Variants in TEX26 observed in about 807,000 individuals in gnomAD.
TEX26 encodes the protein testis-expressed protein 26.
A neutral mutation model predicts 35.3 loss-of-function variants in TEX26; 34 were observed. The ratio of observed to expected loss-of-function variants is 0.96; its 90% confidence interval spans 0.73 to 1.28. TEX26 has a LOEUF of 1.28. TEX26 is among the 50% of genes most tolerant of loss of function. TEX26 has a pLI of 0.00. For synonymous variants in TEX26, 136 were observed against 111.8 expected (o/e 1.22, Z -1.36); for missense variants, 371 against 330.1 (o/e 1.12, Z -0.96).
At chr13:30,940,479 G>A (rs982361510) in intron 2 of TEX26, among the ~76,000 whole-genome samples, 2 of 151,262 alleles carry the variant, frequency 1.3e-5, no homozygotes, top group African/African-American at 2.4e-5. Context: ...GACTACAGGC[G>A]CCCGCCACCA....
At chr13:30,946,294 G>T (rs1187659406) in intron 2 of TEX26, among the ~76,000 whole-genome samples, 1 of 151,756 alleles carries the variant, frequency 6.6e-6, no homozygotes, top group African/African-American at 2.4e-5. Context: ...ATTTCTAGAA[G>T]TTCTGATTTT....
chr13:30,945,471 G>T (rs1412205), intron 2 of TEX26, among the ~76,000 whole-genome samples: 2,074 of 151,686 alleles, frequency 0.014, 48 homozygotes, highest in African/African-American at 0.047. Flanking sequence ...GAGATGTGAG[G>T]TACTGTTCTA....
intron 1 of TEX26, among the ~76,000 whole-genome samples, chr13:30,935,000 T>G (rs1322853518): frequency 6.6e-6 from 1 of 152,210 alleles, no homozygotes; most frequent in African/African-American, 2.4e-5. Flanking sequence ...CTGGTGCAGC[T>G]GCAGCTGCCC....
At chr13:30,940,188 G>C (rs1953425797) in intron 2 of TEX26, among the ~76,000 whole-genome samples, 1 of 152,020 alleles carries the variant, frequency 6.6e-6, no homozygotes, top group Admixed American at 6.6e-5. Context: ...ACCAAGACTA[G>C]TCTTGGAAGA....
chr13:30,950,227 G>T (rs982860762), intron 2 of TEX26, among the ~76,000 whole-genome samples: 1 of 152,192 alleles, frequency 6.6e-6, no homozygotes, highest in Non-Finnish European at 1.5e-5. Flanking sequence ...CCAATATGGT[G>T]AAACCCTGTC....
chr13:30,967,121 C>A (rs560859288), intron 5 of TEX26, among the ~76,000 whole-genome samples: 9 of 152,252 alleles, frequency 5.9e-5, no homozygotes, highest in African/African-American at 1.7e-4. Flanking sequence ...CATGTGCATC[C>A]CCTGAAAGTT....
intron 1 of TEX26, among the ~76,000 whole-genome samples, chr13:30,934,715 T>C (rs1953204140): frequency 6.6e-6 from 1 of 152,110 alleles, no homozygotes; most frequent in Admixed American, 6.5e-5. Context: ...AGCTGCCCCT[T>C]CTGAGTTGGG....
In TEX26 at chr13:30,966,903, C is replaced by T. The variant is rs78805549; in HGVS notation, c.646+505C>T. 3.2e-4 allele frequency among the ~76,000 whole-genome samples: 49 copies of T among 152,292 alleles called. No homozygotes were observed. In the East Asian group the frequency reaches 9.3e-3, roughly 29 times the overall value. The stretch of plus-strand genomic sequence containing the variant: ...TGTCGCTGCAGCTCCCAACCTGTAA[C>T]CCAGGGAGCCAGTACATTGCAGAAG... On this transcript the variant is annotated intron_variant, in intron 5 of 6. Transcript: ENST00000380473.
intron 1 of TEX26, among the ~76,000 whole-genome samples, chr13:30,937,593 T>G (rs993394364): frequency 6.6e-6 from 1 of 152,226 alleles, no homozygotes; most frequent in Admixed American, 6.5e-5. Context: ...GAACATTGAA[T>G]TCTGCTATTG....
chr13:30,963,817 C>T lies in TEX26; in HGVS notation c.470-2405C>T, dbSNP rs535209605. 3.0e-4 allele frequency among the ~76,000 whole-genome samples: 46 copies of T among 152,232 alleles called. 1 individual carries two copies. The South Asian group carries it at 9.3e-3, about 31-fold the overall frequency. ...TATGGTTGTAAGGCTCACCACATTC[C>T]CTGTTCATTCTATAGATATTTAAGT... On this transcript the variant is annotated intron_variant, in intron 4 of 6. Coordinates refer to ENST00000380473, the MANE Select transcript of TEX26 (RefSeq NM_152325.3).
intron 2 of TEX26, 88 bp from the exon 3 acceptor site, chr13:30,952,572 T>C (rs1421824481): frequency 1.3e-5 from 14 of 1,118,928 alleles, no homozygotes; most frequent in Non-Finnish European, 1.7e-5. Flanking sequence ...TTTTAAAAAA[T>C]GTAATGAGTA....
intron 6 of TEX26, among the ~76,000 whole-genome samples, chr13:30,970,833 C>A (rs1041623781): frequency 1.3e-5 from 2 of 152,244 alleles, no homozygotes; most frequent in African/African-American, 4.8e-5. Flanking sequence ...GATCTACATT[C>A]TCCAAGATAC....
intron 6 of TEX26, among the ~76,000 whole-genome samples, chr13:30,971,534 T>C (rs1426793706): frequency 6.6e-6 from 1 of 152,108 alleles, no homozygotes; most frequent in Non-Finnish European, 1.5e-5. Context: ...CGGTGCGTGT[T>C]GGAGGGTGAA....
intron 4 of TEX26, among the ~76,000 whole-genome samples, chr13:30,962,438 T>C (rs979719038): frequency 3.3e-5 from 5 of 152,116 alleles, no homozygotes; most frequent in Non-Finnish European, 7.4e-5. Flanking sequence ...GTGGAGCAGG[T>C]CTCCCTTCCT....
intron 2 of TEX26, among the ~76,000 whole-genome samples, chr13:30,945,722 C>G (rs1345459316): frequency 4.6e-5 from 7 of 151,886 alleles, no homozygotes; most frequent in Admixed American, 4.6e-4. Flanking sequence ...ATAAAAAATT[C>G]TAGGTTGAGA....
intron 2 of TEX26, among the ~76,000 whole-genome samples, chr13:30,951,039 G>C (rs996377483): frequency 6.6e-6 from 1 of 152,124 alleles, no homozygotes. Flanking sequence ...AAAGATTTTT[G>C]TGACTAAGTG....
intron 4 of TEX26, 64 bp from the exon 5 acceptor site, chr13:30,966,158 G>A: frequency 6.4e-7 from 1 of 1,563,028 alleles, no homozygotes. Context: ...AACACAGCAA[G>A]AGTGGGTTTA....
intron 4 of TEX26, among the ~76,000 whole-genome samples, chr13:30,960,469 T>A (rs1046835190): frequency 1.3e-5 from 2 of 152,198 alleles, no homozygotes; most frequent in African/African-American, 4.8e-5. Flanking sequence ...GGTCTTGAAC[T>A]CCTGAGGTCA....
chr13:30,956,720 G>A (rs934355000), intron 3 of TEX26, among the ~76,000 whole-genome samples, 153 bp from the exon 4 acceptor site: 1 of 152,240 alleles, frequency 6.6e-6, no homozygotes, highest in Non-Finnish European at 1.5e-5. Context: ...GTCAACCAAT[G>A]TCTCCTGTTG....
Sources: allele counts gnomAD v4.1 joint callset (sites outside exome capture counted in the v4.1 genomes callset), GRCh38; gene constraint gnomAD v4.1.1; transcripts MANE v1.5; gene names NCBI Gene and HGNC (gene_info 2026-07-23, HGNC 2026-07-21).